USH1C: variants seen among roughly 807,000 people sequenced by gnomAD.
USH1C encodes the protein harmonin.
Under a neutral mutation model 119.3 loss-of-function variants are expected in USH1C, and 90 were observed. That is an observed-to-expected ratio of 0.75 (90% CI 0.64 to 0.90). The LOEUF (loss-of-function observed/expected upper bound fraction) is 0.90, where lower values mean the gene tolerates loss of function less well. Among genes scored for constraint, USH1C ranks in the 40% least tolerant of loss-of-function variants. The pLI, the probability that USH1C is intolerant of heterozygous loss-of-function variation, is 0.00. For missense variants in USH1C, 1,165 were observed against 1,167.7 expected, an observed-to-expected ratio of 1.00 and a Z score of 0.03; for synonymous variants, 465 against 443.3, an observed-to-expected ratio of 1.05 and a Z score of -0.62.
At chr11:17,539,921 C>A (rs1851390602) in intron 1 of USH1C, among the ~76,000 whole-genome samples, 1 of 151,366 alleles carries the variant, frequency 6.6e-6, no homozygotes, top group Non-Finnish European at 1.5e-5. Context: ...CAGCCTCAAC[C>A]TCCAGGCTCA....
intron 8 of USH1C, among the ~76,000 whole-genome samples, chr11:17,526,032 C>T (rs1029618358): frequency 6.6e-6 from 1 of 152,144 alleles, no homozygotes; most frequent in Non-Finnish European, 1.5e-5. Context: ...AAAACTCCAT[C>T]TCTACAAAAA....
intron 21 of USH1C, 95 bp from the exon 22 acceptor site, chr11:17,501,630 TG>T: frequency 1.4e-6 from 2 of 1,396,152 alleles, no homozygotes; most frequent in Non-Finnish European, 2.0e-6. Flanking sequence ...TATGGGACAC[TG>T]GGCCCCACAG....
At chr11:17,500,457 T>C (rs1353251096) in intron 23 of USH1C, among the ~76,000 whole-genome samples, 1 of 152,186 alleles carries the variant, frequency 6.6e-6, no homozygotes, top group Non-Finnish European at 1.5e-5. Context: ...TGAGTTAATA[T>C]CCATGAAACG....
rs774260683 is a variant in USH1C at position 17,533,335 on chromosome 11, A to G, written c.37-13T>C. On this transcript the variant is annotated splice_polypyrimidine_tract_variant and intron_variant, in intron 1 of 26. Coordinates refer to ENST00000005226, the MANE Select transcript of USH1C (RefSeq NM_153676.4). ...TCAGAAAATCCACCTGGAAAATCCA[A>G]TAGCAGAATCACAGCTCCAGGCTCA... The G allele has an allele frequency of 1.7e-5, 27 of 1,606,778 alleles. No homozygotes were observed. Among genetic ancestry groups the G allele is most frequent in the Non-Finnish European group, 2.2e-5 (26 of 1,174,622 alleles).
Position 17,505,895 on chromosome 11 carries a change from T to G in USH1C, c.2068A>C (p.Lys690Gln), listed in dbSNP as rs1565028131. The change falls in exon 19 of 27, where the codon AAA (lysine) becomes CAA (glutamine). Residue 690 changes from lysine to glutamine, a missense_variant. Transcript: ENST00000005226. ...GGCTCCTGGTGGACCATGACAGGTT[T>G]GGAGATGGTGGACACGCCAGGGCCT... ...PRGPGVSTIS[K>Q]PVMVHQEPNF... The G allele has an allele frequency of 6.2e-7, 1 of 1,614,130 alleles. No individual in the cohort carries two copies. Among genetic ancestry groups the G allele is most frequent in the Non-Finnish European group, 8.5e-7 (1 of 1,180,012 alleles).
intron 1 of USH1C, among the ~76,000 whole-genome samples, chr11:17,537,508 G>C (rs1565071791): frequency 1.3e-5 from 2 of 152,156 alleles, no homozygotes; most frequent in African/African-American, 4.8e-5. Flanking sequence ...CCTTCTTTCT[G>C]ACCTGTTGGC....
chr11:17,543,608 C>T (rs1316340721), intron 1 of USH1C, among the ~76,000 whole-genome samples: 1 of 152,150 alleles, frequency 6.6e-6, no homozygotes, highest in East Asian at 1.9e-4. Context: ...AATCCCAGAC[C>T]ACCAGTGAGG....
Position 17,522,863 on chromosome 11 carries a change from G to C in USH1C, c.940C>G (p.Arg314Gly), listed in dbSNP as rs773393925. ...LAEARQRELQ[R>G]QELLMQKRLA... ...CGCTTCTGCATGAGAAGCTCCTGCC[G>C]CTGCAGCTCACGCTGCCGCGCCTCT... The change falls in exon 12 of 27, where the codon CGG (arginine) becomes GGG (glycine). Residue 314 changes from arginine (R) to glycine (G), a missense_variant. Coordinates refer to ENST00000005226, the MANE Select transcript of USH1C (RefSeq NM_153676.4). The C allele has an allele frequency of 5.0e-6, 8 of 1,612,682 alleles. 1 individual carries two copies. In the South Asian group the frequency reaches 8.8e-5, roughly 18 times the overall value.
chr11:17,513,787 A>T (rs576052971), intron 15 of USH1C, among the ~76,000 whole-genome samples: 13 of 151,982 alleles, frequency 8.6e-5, no homozygotes, highest in Non-Finnish European at 1.8e-4. Context: ...CTCCAGGACC[A>T]CCACGAGAAT....
intron 1 of USH1C, among the ~76,000 whole-genome samples, chr11:17,537,737 G>A (rs1234130393): frequency 6.6e-6 from 1 of 152,142 alleles, no homozygotes; most frequent in African/African-American, 2.4e-5. Flanking sequence ...CTGCCTCCCA[G>A]CCTGAGTCTC....
chr11:17,502,628 G>A (rs1371499642), intron 20 of USH1C, among the ~76,000 whole-genome samples: 2 of 152,238 alleles, frequency 1.3e-5, no homozygotes, highest in Admixed American at 6.5e-5. Flanking sequence ...CCTTTAGCTA[G>A]GGGAGAAGGG....
rs375281589 is a variant in USH1C, at chr11:17,517,583, G to A, written c.1211-1293C>T. 86 of 1,110,550 alleles carry A rather than the reference G, an allele frequency of 7.7e-5. No homozygotes were observed. In the African/African-American group the frequency reaches 1.3e-3, roughly 16 times the overall value. The allele number at this position is 1,110,550 out of a possible 1,614,324, so 68.8% of individuals were successfully genotyped here. Reference sequence around the variant, plus strand: ...GGGACCTGTAATCAGCTTCCTCCATGGGAGCTGTGAGGTCAGGGGCAGGGG... The same window carrying A: ...GGGACCTGTAATCAGCTTCCTCCATAGGAGCTGTGAGGTCAGGGGCAGGGG... On this transcript the variant is annotated intron_variant, in intron 14 of 26. Transcript: ENST00000005226.
intron 2 of USH1C, among the ~76,000 whole-genome samples, chr11:17,532,539 A>G (rs904829634): frequency 1.3e-5 from 2 of 152,114 alleles, no homozygotes; most frequent in Admixed American, 6.5e-5. Flanking sequence ...GGCTCAAGCA[A>G]TCCTCCTGCC....
At position 17,516,300 on chromosome 11, in the gene USH1C, A is replaced by G. The variant is rs1333339552; in HGVS notation, c.1211-10T>C. 7 of 1,612,030 alleles carry G rather than the reference A, an allele frequency of 4.3e-6. No homozygotes were observed. The highest frequency in any genetic ancestry group is 5.9e-6 in the Non-Finnish European group (7 of 1,179,254). On this transcript the variant is annotated splice_polypyrimidine_tract_variant and intron_variant, in intron 14 of 26. Coordinates refer to ENST00000005226, the MANE Select transcript of USH1C (RefSeq NM_153676.4). ...TAAAACCATCCAAAAGCTATAAGAC[A>G]CAGATAACAAAATGATGAGACACAG...
In USH1C at chr11:17,526,428, C is replaced by T; in HGVS notation, c.593G>A (p.Ser198Asn). Residue 198 changes from serine (S) to asparagine (N), a missense_variant, in exon 8 of 27, where the codon AGC (serine) becomes AAC (asparagine). Physicochemically the swap from Ser to Asn is conservative, Grantham distance 46. Transcript: ENST00000005226. ...FVSESGGVRG[S>N]LGSPGNRENK... ...TTCCCGATTTCCAGGGGAGCCCAGG[C>T]TGCCTCGCACGCCCTGAAAGAGAGA... is the stretch of plus-strand genomic sequence containing the variant. 6.2e-7 allele frequency: 1 copy of T among 1,613,960 alleles called. No homozygotes were observed. Among genetic ancestry groups the T allele is most frequent in the East Asian group, 2.2e-5 (1 of 44,876 alleles).
At chr11:17,534,832 C>T (rs1374262625) in intron 1 of USH1C, among the ~76,000 whole-genome samples, 1 of 149,794 alleles carries the variant, frequency 6.7e-6, no homozygotes, top group Non-Finnish European at 1.5e-5. Context: ...CAAGATTGCA[C>T]CACTGCACTC....
chr11:17,502,045 T>C lies in USH1C; in HGVS notation c.2185-65A>G, dbSNP rs558777534. The C allele has an allele frequency of 5.5e-5, 84 of 1,537,972 alleles. 2 individuals are homozygous for C. Among genetic ancestry groups the C allele is most frequent in the South Asian group, 3.5e-4 (30 of 86,024 alleles). The stretch of plus-strand genomic sequence containing the variant: ...GGTCTTGAGGGTCAGAGCCGAGGAG[T>C]AGGGGGATGAATGGTCGGAATCCAA... On this transcript the variant is annotated intron_variant, in intron 20 of 26. Coordinates refer to ENST00000005226, the MANE Select transcript of USH1C (RefSeq NM_153676.4).
At chr11:17,534,221 CA>C (rs1851133762) in intron 1 of USH1C, among the ~76,000 whole-genome samples, 1 of 152,242 alleles carries the variant, frequency 6.6e-6, no homozygotes, top group African/African-American at 2.4e-5. Flanking sequence ...AGAGAGGCTG[CA>C]GCTGGAAGCT....
chr11:17,526,904 A>G, intron 6 of USH1C, 94 bp from the exon 7 acceptor site: 1 of 1,580,486 alleles, frequency 6.3e-7, no homozygotes, highest in Non-Finnish European at 8.6e-7. Context: ...TAGAGCCTCC[A>G]GCCTCCACTG....
Sources: gnomAD v4.1 joint callset for allele counts (sites outside exome capture counted in the v4.1 genomes callset) on GRCh38, gnomAD v4.1.1 for gene constraint, MANE v1.5 for transcripts, NCBI Gene and HGNC (gene_info 2026-07-23, HGNC 2026-07-21) for gene names.